Variants in ARAP1 observed in about 807,000 individuals in gnomAD.
ARAP1 encodes ArfGAP with RhoGAP domain, ankyrin repeat and PH domain 1.
In ARAP1, 76 loss-of-function variants were observed where a neutral mutation model predicts 172.2. The observed-to-expected ratio is 0.44, with a 90% CI of 0.37 to 0.53. The LOEUF (loss-of-function observed/expected upper bound fraction) is 0.53, where lower values mean the gene tolerates loss of function less well. Among genes scored for constraint, ARAP1 ranks in the 20% least tolerant of loss-of-function variants. ARAP1 has a pLI of 0.00. For missense variants in ARAP1, 1,686 were observed against 1,977.5 expected (o/e 0.85, Z 2.80); for synonymous variants, 804 against 803.3 (o/e 1.00, Z -0.01).
intron 3 of ARAP1, among the ~76,000 whole-genome samples, chr11:72,717,188 C>T (rs1857313053): frequency 6.6e-6 from 1 of 152,170 alleles, no homozygotes; most frequent in Non-Finnish European, 1.5e-5. Context: ...AGCTGGTCAC[C>T]TGCGATTCCC....
At position 72,693,540 on chromosome 11, in the gene ARAP1, G is replaced by A; in HGVS notation, c.3809-70C>T. 2 of 1,567,764 alleles carry A rather than the reference G, an allele frequency of 1.3e-6. No individual in the cohort carries two copies. The highest frequency in any genetic ancestry group is 1.4e-5 in the African/African-American group (1 of 74,028). On this transcript the variant is annotated intron_variant, in intron 28 of 34. Transcript: ENST00000393609. This position sits in a 1 kb window ranked among gnomAD's most constrained non-coding sequence, Gnocchi z 4.6. Reference sequence around the variant, plus strand: ...CCCGGGGCTGGGTCCCAGGATGAAGGAAGCTGCCCCATCCTGCCCCAGCCT... The same window carrying A: ...CCCGGGGCTGGGTCCCAGGATGAAGAAAGCTGCCCCATCCTGCCCCAGCCT...
At chr11:72,702,843 G>C in intron 15 of ARAP1, 62 bp downstream of exon 15, 1 of 1,528,898 alleles carries the variant, frequency 6.5e-7, no homozygotes, top group East Asian at 2.5e-5. Context: ...AGAGCAGCAG[G>C]TAAATCAAAC....
chr11:72,687,548 A>G, intron 32 of ARAP1, 46 bp from the exon 33 acceptor site: 4 of 1,613,856 alleles, frequency 2.5e-6, no homozygotes, highest in Non-Finnish European at 3.4e-6. Flanking sequence ...GGCCTGACTG[A>G]GCAGGGAACA....
At chr11:72,750,631 GTC>G (rs1858505666) in intron 1 of ARAP1, among the ~76,000 whole-genome samples, 1 of 152,140 alleles carries the variant, frequency 6.6e-6, no homozygotes, top group Non-Finnish European at 1.5e-5. Flanking sequence ...CCCCAGCACC[GTC>G]TCTCTTTGGG....
At chr11:72,734,153 C>G (rs1250743110) in intron 1 of ARAP1, among the ~76,000 whole-genome samples, 1 of 152,166 alleles carries the variant, frequency 6.6e-6, no homozygotes, top group East Asian at 1.9e-4. Flanking sequence ...CAGGGTCTTG[C>G]TCTGTTGCCC....
intron 30 of ARAP1, among the ~76,000 whole-genome samples, 175 bp downstream of exon 30, chr11:72,692,577 AG>A (rs34015726): frequency 6.6e-6 from 1 of 152,204 alleles, no homozygotes; most frequent in South Asian, 2.1e-4. Flanking sequence ...GGACAGGATT[AG>A]GGATAAAGGG....
At chr11:72,704,554 G>A (rs1223578023) in intron 13 of ARAP1, 12 of 540,350 alleles carry the variant, frequency 2.2e-5, no homozygotes, top group Non-Finnish European at 3.6e-5. Flanking sequence ...CTCAGTGACA[G>A]GACAGGGAGT....
chr11:72,727,978 A>G (rs2135573841), intron 2 of ARAP1, among the ~76,000 whole-genome samples: 1 of 152,378 alleles, frequency 6.6e-6, no homozygotes, highest in South Asian at 2.1e-4. Context: ...TTATCTCCAC[A>G]GACACTAAAG....
intron 27 of ARAP1, 60 bp downstream of exon 27, chr11:72,694,920 G>C: frequency 6.8e-7 from 1 of 1,472,596 alleles, no homozygotes; most frequent in Non-Finnish European, 9.4e-7. Context: ...GGACAGACTG[G>C]GGCTACAGCT....
chr11:72,730,192 C>T (rs1321606343), intron 2 of ARAP1, among the ~76,000 whole-genome samples: 1 of 151,708 alleles, frequency 6.6e-6, no homozygotes, highest in East Asian at 1.9e-4. Flanking sequence ...GAAAAATGGG[C>T]AAAGAGTATG....
chr11:72,699,018 T>C lies in ARAP1; in HGVS notation c.2528A>G (p.Lys843Arg). ...ESAEQAHEWV[K>R]CIAKAFVPPL... ...CCCCAGGCTCACCTTAGCAATACACTTGACCCACTCATGAGCCTGCTCCGC... is the reference window on the plus strand; with the variant it reads ...CCCCAGGCTCACCTTAGCAATACACCTGACCCACTCATGAGCCTGCTCCGC... Residue 843 changes from lysine (K) to arginine (R), a missense_variant, in exon 18 of 35, where the codon AAG (lysine) becomes AGG (arginine). Physicochemically the swap from Lys to Arg is conservative, Grantham distance 26 (BLOSUM62 2). This residue lies in a region of ARAP1 where 688 missense variants were observed against 856.9 expected (regional missense o/e 0.80). Coordinates refer to ENST00000393609, the MANE Select transcript of ARAP1 (RefSeq NM_001040118.3). This position sits in a 1 kb window ranked among gnomAD's most constrained non-coding sequence, Gnocchi z 4.2. The C allele has an allele frequency of 1.9e-6, 3 of 1,614,048 alleles. No homozygotes were observed. The highest frequency in any genetic ancestry group is 2.5e-6 in the Non-Finnish European group (3 of 1,179,996).
chr11:72,711,087 T>C lies in ARAP1; in HGVS notation c.1147A>G (p.Ile383Val). The C allele has an allele frequency of 1.9e-6, 3 of 1,614,226 alleles. No homozygotes were observed. Among genetic ancestry groups the C allele is most frequent in the South Asian group, 2.2e-5 (2 of 91,088 alleles). ...SVACISHVAA[I>V]GDQKFEVITN... The stretch of plus-strand genomic sequence containing the variant: ...ATCACTTCAAACTTCTGGTCCCCGA[T>C]GGCAGCCACGTGGGAGATGCAGGCC... The change falls in exon 9 of 35, where the codon ATC (isoleucine) becomes GTC (valine). Residue 383 changes from isoleucine to valine, a missense_variant. This residue lies in a region of ARAP1 where 688 missense variants were observed against 856.9 expected (regional missense o/e 0.80). Transcript: ENST00000393609.
At chr11:72,718,303 C>T (rs547487001) in intron 3 of ARAP1, among the ~76,000 whole-genome samples, 4 of 151,978 alleles carry the variant, frequency 2.6e-5, no homozygotes, top group African/African-American at 7.3e-5. Context: ...AGAATGCCCC[C>T]GCCATAGCCC....
At chr11:72,703,891 G>A (rs952100905) in intron 14 of ARAP1, 4 of 525,852 alleles carry the variant, frequency 7.6e-6, no homozygotes, top group Non-Finnish European at 1.4e-5. Flanking sequence ...ACGGGGTGCA[G>A]GAGACTGAGG....
At chr11:72,705,761 T>A in intron 13 of ARAP1, 44 bp downstream of exon 13, 2 of 1,607,920 alleles carry the variant, frequency 1.2e-6, no homozygotes, top group Non-Finnish European at 8.5e-7. Context: ...AGCTGTTGAA[T>A]GGGGCAGACC....
intron 12 of ARAP1, among the ~76,000 whole-genome samples, 179 bp downstream of exon 12, chr11:72,706,996 C>A (rs923445795): frequency 6.6e-6 from 1 of 152,216 alleles, no homozygotes; most frequent in Non-Finnish European, 1.5e-5. Context: ...AGAAGTTGAA[C>A]CCCTGCCTGG....
At chr11:72,742,126 C>T (rs1858217745) in intron 1 of ARAP1, among the ~76,000 whole-genome samples, 1 of 152,128 alleles carries the variant, frequency 6.6e-6, no homozygotes, top group South Asian at 2.1e-4. Flanking sequence ...GCCCCACAGG[C>T]TTTGGCCTCC....
At chr11:72,692,935 T>G (rs1391208207) in intron 29 of ARAP1, 150 bp from the exon 30 acceptor site, 1 of 1,032,696 alleles carries the variant, frequency 9.7e-7, no homozygotes, top group Non-Finnish European at 1.5e-6. Context: ...GGAGAACACC[T>G]GCATGTGGAC....
At chr11:72,719,583 GC>G (rs1857421241) in intron 3 of ARAP1, among the ~76,000 whole-genome samples, 1 of 152,174 alleles carries the variant, frequency 6.6e-6, no homozygotes, top group African/African-American at 2.4e-5. Flanking sequence ...GGAGACCCAG[GC>G]CCTACAGGCT....
Sources: allele counts gnomAD v4.1 joint callset (sites outside exome capture counted in the v4.1 genomes callset), GRCh38; gene constraint gnomAD v4.1.1; regional missense constraint gnomAD v4.1.1; non-coding constraint Gnocchi (gnomAD v3.1); transcripts MANE v1.5; gene names NCBI Gene and HGNC (gene_info 2026-07-23, HGNC 2026-07-21).